AGBL4: variants seen among roughly 807,000 people sequenced by gnomAD.
The protein encoded by AGBL4 is AGBL carboxypeptidase 4.
In AGBL4, 58 loss-of-function variants were observed where a neutral mutation model predicts 66.4. The ratio of observed to expected loss-of-function variants is 0.87; its 90% CI spans 0.71 to 1.09. The LOEUF (loss-of-function observed/expected upper bound fraction) is 1.09, where lower values mean the gene tolerates loss of function less well. Among genes scored for constraint, AGBL4 ranks in the 50% least tolerant of loss-of-function variants. AGBL4 has a pLI of 0.00. For synonymous variants in AGBL4, 234 were observed against 222.9 expected (o/e 1.05, Z -0.44); for missense variants, 579 against 631.0 (o/e 0.92, Z 0.88).
At position 48,836,002 on chromosome 1, in the gene AGBL4, C is replaced by T. The variant is rs534415296; in HGVS notation, c.634+31189G>A. On this transcript the variant is annotated intron_variant, in intron 6 of 13. Transcript: ENST00000371839. ...CCAGTGGAGATGGAAAAAGTGGGTA[C>T]AGAAATGACCACATGTACTGTTTGA... is the stretch of plus-strand genomic sequence containing the variant. Among the ~76,000 whole-genome samples the T allele has an allele frequency of 2.6e-5, 4 of 152,098 alleles. No homozygotes were observed. In the South Asian group the frequency reaches 6.2e-4, roughly 24 times the overall value.
chr1:48,592,282 A>AGAAAAGT (rs1208664647), intron 9 of AGBL4, among the ~76,000 whole-genome samples: 1 of 152,240 alleles, frequency 6.6e-6, no homozygotes, highest in Non-Finnish European at 1.5e-5. Flanking sequence ...TCTAGTACAT[A>AGAAAAGT]GTCCTGGGAA....
chr1:48,526,643 G>A, the AGBL4 span, among the ~76,000 whole-genome samples: 2 of 152,144 alleles, frequency 1.3e-5, no homozygotes, highest in African/African-American at 4.8e-5. Flanking sequence ...ATAGTAGTAG[G>A]AGCAGCAGCA....
At chr1:49,753,382 T>C (rs1302789397) in intron 2 of AGBL4, among the ~76,000 whole-genome samples, 1 of 152,230 alleles carries the variant, frequency 6.6e-6, no homozygotes, top group African/African-American at 2.4e-5. Context: ...TCTTTGAGAA[T>C]GTTGAATATT....
chr1:48,892,271 A>G (rs1325429261), intron 5 of AGBL4, among the ~76,000 whole-genome samples: 1 of 152,210 alleles, frequency 6.6e-6, no homozygotes, highest in Non-Finnish European at 1.5e-5. Flanking sequence ...CCTTCTTTTA[A>G]AGACACAAGT....
At chr1:49,425,204 C>G (rs1256397211) in intron 3 of AGBL4, among the ~76,000 whole-genome samples, 1 of 152,032 alleles carries the variant, frequency 6.6e-6, no homozygotes, top group African/African-American at 2.4e-5. Flanking sequence ...CATAATAATT[C>G]TAAAATTTTA....
At chr1:48,969,112 C>T (rs1213080103) in intron 5 of AGBL4, among the ~76,000 whole-genome samples, 1 of 148,412 alleles carries the variant, frequency 6.7e-6, no homozygotes, top group African/African-American at 2.5e-5. Flanking sequence ...CTCCCTCCCT[C>T]TTTTCTTCCA....
Position 49,045,668 on chromosome 1 carries a change from T to G in AGBL4, c.510A>C (p.Thr170=). 6.3e-7 allele frequency: 1 copy of G among 1,583,366 alleles called. No homozygotes were observed. Among genetic ancestry groups the G allele is most frequent in the South Asian group, 1.2e-5 (1 of 86,538 alleles). The part of the protein sequence containing the change: ...IYQFAYCYPY[T]YTRFQHYLDS... ...CAAGGTAATGTTGGAAGCGAGTGTA[T>G]GTATATGGGTAGCAGTAAGCAAACT... The change falls in exon 5 of 14, where the codon ACA becomes ACC. Residue 170 remains threonine, a synonymous_variant. Transcript: ENST00000371839.
At chr1:49,586,087 T>G (rs1258633040) in intron 3 of AGBL4, among the ~76,000 whole-genome samples, 1 of 152,178 alleles carries the variant, frequency 6.6e-6, no homozygotes, top group Non-Finnish European at 1.5e-5. Flanking sequence ...CAAATATTTA[T>G]GGAAAATGTA....
At chr1:49,515,257 T>C (rs543351639) in intron 3 of AGBL4, among the ~76,000 whole-genome samples, 27 of 152,124 alleles carry the variant, frequency 1.8e-4, no homozygotes, top group African/African-American at 5.1e-4. Context: ...CAAAAGAAGA[T>C]ATTTATGCAG....
intron 9 of AGBL4, among the ~76,000 whole-genome samples, chr1:48,624,911 T>A (rs1031736099): frequency 6.6e-6 from 1 of 152,018 alleles, no homozygotes; most frequent in Admixed American, 6.6e-5. Context: ...TGTGTGTGTG[T>A]GTGTGTGTGT....
chr1:48,777,075 G>A (rs1328317838), intron 6 of AGBL4: 2 of 362,656 alleles, frequency 5.5e-6, no homozygotes, highest in Non-Finnish European at 9.7e-6. Context: ...GGATGAGGGG[G>A]GTTTGGAAGC....
chr1:48,970,887 A>C (rs1428824863), intron 5 of AGBL4, among the ~76,000 whole-genome samples: 3 of 152,124 alleles, frequency 2.0e-5, no homozygotes, highest in African/African-American at 7.2e-5. Flanking sequence ...CCTCCAGAAT[A>C]ACAAGTGTAC....
chr1:49,845,449 A>T, intron 2 of AGBL4: 1 of 1,492,414 alleles, frequency 6.7e-7, no homozygotes, highest in Non-Finnish European at 9.3e-7. Context: ...CCAGCAAAGC[A>T]TCCACCTCAC....
At chr1:48,952,505 G>A (rs191620213) in intron 5 of AGBL4, among the ~76,000 whole-genome samples, 31 of 152,310 alleles carry the variant, frequency 2.0e-4, no homozygotes, top group East Asian at 7.7e-4. Flanking sequence ...AAGTCCTCCC[G>A]GAGGACGCTG....
intron 2 of AGBL4, among the ~76,000 whole-genome samples, chr1:49,805,017 T>C (rs1644945646): frequency 6.6e-6 from 1 of 152,100 alleles, no homozygotes; most frequent in South Asian, 2.1e-4. Context: ...GTCAAGTAAT[T>C]AGATGAGATA....
At chr1:48,590,140 C>T (rs888759384) in intron 10 of AGBL4, among the ~76,000 whole-genome samples, 1 of 152,148 alleles carries the variant, frequency 6.6e-6, no homozygotes, top group Non-Finnish European at 1.5e-5. Context: ...CGCGGTGGCT[C>T]ACGCCTGTAA....
intron 3 of AGBL4, among the ~76,000 whole-genome samples, chr1:49,427,677 T>C (rs1645694108): frequency 6.6e-6 from 1 of 152,176 alleles, no homozygotes; most frequent in Non-Finnish European, 1.5e-5. Flanking sequence ...TTACAGCTCA[T>C]AAAGGTGGTG....
At chr1:49,187,018 G>C (rs1647027124) in intron 4 of AGBL4, among the ~76,000 whole-genome samples, 3 of 152,090 alleles carry the variant, frequency 2.0e-5, no homozygotes, top group African/African-American at 7.2e-5. Context: ...AATTTCTTTG[G>C]CATAGATCCA....
intron 6 of AGBL4, among the ~76,000 whole-genome samples, chr1:48,685,308 C>G (rs904250499): frequency 1.3e-5 from 2 of 152,122 alleles, no homozygotes; most frequent in East Asian, 1.9e-4. Flanking sequence ...AGCCATGGAG[C>G]CTTAAACATC....
Sources: allele counts gnomAD v4.1 joint callset (sites outside exome capture counted in the v4.1 genomes callset), GRCh38; gene constraint gnomAD v4.1.1; transcripts MANE v1.5; gene names NCBI Gene and HGNC (gene_info 2026-07-23, HGNC 2026-07-21).